The following RIT2 variants were observed in gnomAD, a reference collection of about 807,000 sequenced individuals.
The protein encoded by RIT2 is Ras like without CAAX 2, also known as GTP-binding protein Rit2.
In RIT2, 24 loss-of-function variants were observed where a neutral mutation model predicts 23.7. The ratio of observed to expected loss-of-function variants is 1.01; its 90% CI spans 0.73 to 1.43. The LOEUF (loss-of-function observed/expected upper bound fraction) is 1.43, where lower values mean the gene tolerates loss of function less well. Ranked by LOEUF, RIT2 falls within the 40% of genes most tolerant of loss-of-function variation. RIT2 has a pLI of 0.00. For synonymous variants in RIT2, 107 were observed against 91.1 expected (o/e 1.17, Z -0.99); for missense variants, 236 against 266.9 (o/e 0.88, Z 0.81).
chr18:42,817,304 C>T (rs995488956), intron 4 of RIT2, among the ~76,000 whole-genome samples: 1 of 151,988 alleles, frequency 6.6e-6, no homozygotes, highest in Non-Finnish European at 1.5e-5. Flanking sequence ...GAATGTAAGA[C>T]AATGGATTAG....
At chr18:43,021,726 G>C (rs760794200) in intron 2 of RIT2, among the ~76,000 whole-genome samples, 1 of 152,028 alleles carries the variant, frequency 6.6e-6, no homozygotes, top group East Asian at 1.9e-4. Context: ...CACCATGATT[G>C]TAAGTTTCCT....
chr18:42,986,434 G>T (rs186177046), intron 2 of RIT2, among the ~76,000 whole-genome samples: 182 of 152,220 alleles, frequency 1.2e-3, no homozygotes, highest in Non-Finnish European at 1.9e-3. Context: ...GGTTGTTGGG[G>T]TGGTGGTTTT....
intron 2 of RIT2, among the ~76,000 whole-genome samples, chr18:42,989,951 C>T (rs1194986428): frequency 6.6e-6 from 1 of 151,890 alleles, no homozygotes; most frequent in African/African-American, 2.4e-5. Context: ...TATATGTACA[C>T]ACACACATAT....
At chr18:42,877,159 T>C (rs76948422) in intron 4 of RIT2, among the ~76,000 whole-genome samples, 2,218 of 151,912 alleles carry the variant, frequency 0.015, 69 homozygotes, top group African/African-American at 0.051. Context: ...ACTACCAAAT[T>C]ATTAAAAGAA....
In RIT2 at chr18:42,976,598, A is replaced by G. The variant is rs181768883; in HGVS notation, c.161-2451T>C. Among the ~76,000 whole-genome samples the G allele has an allele frequency of 2.6e-5, 4 of 152,196 alleles. No homozygotes were observed. In the East Asian group the frequency reaches 7.7e-4, roughly 29 times the overall value. ...TTTGGGTCATGTAGTTGTTACAAGG[A>G]TTAAATGATACAAGATGAGGAAGTC... On this transcript the variant is annotated intron_variant, in intron 2 of 4. Transcript: ENST00000326695.
intron 4 of RIT2, among the ~76,000 whole-genome samples, chr18:42,744,024 A>T (rs1043392508): frequency 1.3e-5 from 2 of 152,176 alleles, no homozygotes; most frequent in African/African-American, 4.8e-5. Flanking sequence ...CCTTGCCTTA[A>T]GTGATGACAT....
At chr18:42,933,519 C>T (rs1029049380) in intron 3 of RIT2, among the ~76,000 whole-genome samples, 1 of 152,132 alleles carries the variant, frequency 6.6e-6, no homozygotes, top group Non-Finnish European at 1.5e-5. Flanking sequence ...AGGCGGTTAC[C>T]TCCATGCTGT....
intron 4 of RIT2, among the ~76,000 whole-genome samples, chr18:42,895,644 T>C (rs61134591): frequency 0.19 from 28,531 of 151,962 alleles, 2,910 homozygotes; most frequent in African/African-American, 0.27. Context: ...ATGTAAACGG[T>C]TTTAAGTGAA....
chr18:43,108,684 T>C (rs1913885075), intron 1 of RIT2, among the ~76,000 whole-genome samples: 1 of 152,218 alleles, frequency 6.6e-6, no homozygotes, highest in African/African-American at 2.4e-5. Flanking sequence ...TCAAAGCCTT[T>C]CGCCTGAATT....
intron 4 of RIT2, among the ~76,000 whole-genome samples, chr18:42,759,744 CACACACACACAT>C (rs1567989293): frequency 8.0e-6 from 1 of 124,394 alleles, no homozygotes; most frequent in Non-Finnish European, 1.8e-5. Flanking sequence ...CACACACACA[CACACACACACAT>C]ACGGATATAT....
chr18:42,928,452 T>A (rs1909238457), intron 3 of RIT2, among the ~76,000 whole-genome samples: 1 of 152,092 alleles, frequency 6.6e-6, no homozygotes, highest in African/African-American at 2.4e-5. Flanking sequence ...TTATGTATAG[T>A]CACTCTTAAA....
intron 2 of RIT2, among the ~76,000 whole-genome samples, chr18:43,003,691 A>C (rs1911159575): frequency 6.6e-6 from 1 of 151,134 alleles, no homozygotes; most frequent in Admixed American, 6.6e-5. Context: ...TGATAGTAAA[A>C]CTTTTGTCTT....
intron 4 of RIT2, among the ~76,000 whole-genome samples, chr18:42,860,083 T>C (rs887469050): frequency 6.6e-6 from 1 of 152,190 alleles, no homozygotes; most frequent in Non-Finnish European, 1.5e-5. Flanking sequence ...ATGAATATCC[T>C]GGGGACAAGT....
At chr18:42,834,525 T>C (rs985746361) in intron 4 of RIT2, among the ~76,000 whole-genome samples, 2 of 152,108 alleles carry the variant, frequency 1.3e-5, no homozygotes, top group African/African-American at 4.8e-5. Flanking sequence ...AATTTTGTTA[T>C]CATACTCTCT....
intron 2 of RIT2, among the ~76,000 whole-genome samples, chr18:43,023,567 C>A (rs1911644714): frequency 6.6e-6 from 1 of 152,002 alleles, no homozygotes; most frequent in Non-Finnish European, 1.5e-5. Flanking sequence ...GATGTCATCA[C>A]TGCATTTTTA....
At chr18:42,806,512 T>C (rs1905689769) in intron 4 of RIT2, among the ~76,000 whole-genome samples, 1 of 152,154 alleles carries the variant, frequency 6.6e-6, no homozygotes, top group Admixed American at 6.5e-5. Flanking sequence ...TACTTTTATT[T>C]TTTTCAGGCC....
intron 1 of RIT2, among the ~76,000 whole-genome samples, chr18:43,103,481 T>C (rs1376611026): frequency 1.3e-5 from 2 of 152,276 alleles, no homozygotes; most frequent in East Asian, 1.9e-4. Context: ...ACAAGCCAGA[T>C]GCTCAAAGAA....
chr18:42,805,276 C>A (rs1476533997), intron 4 of RIT2, among the ~76,000 whole-genome samples: 2 of 152,146 alleles, frequency 1.3e-5, no homozygotes, highest in East Asian at 3.8e-4. Flanking sequence ...CTTTACATTT[C>A]TTCAAATCTC....
At chr18:43,088,167 TATGTAA>T (rs1329318740) in intron 1 of RIT2, among the ~76,000 whole-genome samples, 16 of 152,190 alleles carry the variant, frequency 1.1e-4, no homozygotes, top group Admixed American at 1.0e-3. Context: ...TTAGAGAAAC[TATGTAA>T]AAGCAGAATA....
Sources: allele counts gnomAD v4.1 joint callset (sites outside exome capture counted in the v4.1 genomes callset), GRCh38; gene constraint gnomAD v4.1.1; transcripts MANE v1.5; gene names NCBI Gene and HGNC (gene_info 2026-07-23, HGNC 2026-07-21).